Variants in PTCD3 observed in about 807,000 individuals in gnomAD.
PTCD3 encodes the protein small ribosomal subunit protein mS39.
Under a neutral mutation model 101.9 loss-of-function variants are expected in PTCD3, and 89 were observed. That is an observed-to-expected ratio of 0.87 (90% CI 0.74 to 1.04). PTCD3 has a LOEUF of 1.04. Among genes scored for constraint, PTCD3 ranks in the 50% least tolerant of loss-of-function variants. The pLI, the probability that PTCD3 is intolerant of heterozygous loss-of-function variation, is 0.00. For synonymous variants in PTCD3, 296 were observed against 278.5 expected, an observed-to-expected ratio of 1.06 and a Z score of -0.63; for missense variants, 870 against 828.2, an observed-to-expected ratio of 1.05 and a Z score of -0.62.
At chr2:86,134,267 C>G (rs1275021872) in intron 19 of PTCD3, 25 bp from the exon 20 acceptor site, 1 of 1,521,658 alleles carries the variant, frequency 6.6e-7, no homozygotes, top group Non-Finnish European at 9.1e-7. Flanking sequence ...ACAATGATCA[C>G]TCCTTGTTCC....
At chr2:86,124,310 T>A (rs1160217575) in intron 9 of PTCD3, among the ~76,000 whole-genome samples, 3 of 152,120 alleles carry the variant, frequency 2.0e-5, no homozygotes, top group Non-Finnish European at 4.4e-5. Context: ...AGTGATGAAT[T>A]TGATAGGATG....
intron 7 of PTCD3, among the ~76,000 whole-genome samples, chr2:86,121,238 G>A (rs1432858116): frequency 6.6e-6 from 1 of 152,148 alleles, no homozygotes; most frequent in Non-Finnish European, 1.5e-5. Flanking sequence ...GTGAGCACAG[G>A]CCCAAACTTC....
At chr2:86,122,009 G>A (rs1674292756) in intron 8 of PTCD3, among the ~76,000 whole-genome samples, 1 of 152,186 alleles carries the variant, frequency 6.6e-6, no homozygotes, top group Admixed American at 6.5e-5. Flanking sequence ...CCGCCTGTAA[G>A]TTGAGTCATA....
chr2:86,113,851 A>G (rs572026724), intron 4 of PTCD3, among the ~76,000 whole-genome samples: 1 of 152,246 alleles, frequency 6.6e-6, no homozygotes, highest in East Asian at 1.9e-4. Flanking sequence ...GAGCTACTAA[A>G]GATAGTGTTG....
intron 3 of PTCD3, among the ~76,000 whole-genome samples, chr2:86,110,657 T>A (rs780451422): frequency 3.9e-5 from 6 of 152,006 alleles, no homozygotes; most frequent in Non-Finnish European, 8.8e-5. Context: ...TCAGTAAGAG[T>A]GTGTGTGACA....
chr2:86,114,808 A>G (rs1223236627), intron 4 of PTCD3, among the ~76,000 whole-genome samples: 1 of 152,204 alleles, frequency 6.6e-6, no homozygotes, highest in African/African-American at 2.4e-5. Context: ...GATACAAAGC[A>G]AAGTCAGCAA....
chr2:86,123,896 A>C, intron 9 of PTCD3, 134 bp downstream of exon 9: 1 of 583,392 alleles, frequency 1.7e-6, no homozygotes, highest in African/African-American at 1.9e-5. Context: ...AAATTTCACT[A>C]TTTGTATTCA....
intron 10 of PTCD3, 31 bp downstream of exon 10, chr2:86,125,113 A>G (rs1468548586): frequency 2.5e-6 from 4 of 1,610,352 alleles, no homozygotes; most frequent in Non-Finnish European, 2.5e-6. Flanking sequence ...TTTGTCTTTC[A>G]TTTCCACCGA....
At chr2:86,127,364 G>T in intron 13 of PTCD3, 59 bp downstream of exon 13, 1 of 1,518,814 alleles carries the variant, frequency 6.6e-7, no homozygotes. Flanking sequence ...GAGGTTTCAG[G>T]GCTACATAAG....
At position 86,133,064 on chromosome 2, in the gene PTCD3, G is replaced by GT. The variant is rs1417457774; in HGVS notation, c.1374-113dup. 1.6e-5 allele frequency: 23 copies of GT among 1,447,396 alleles called. No individual in the cohort carries two copies. The South Asian group carries it at 1.8e-4, about 11-fold the overall frequency. 89.7% of individuals were successfully genotyped at this position (1,447,396 alleles called of 1,614,324 possible). ...ATATTGGCTCGTTTAACTTGAAACT[G>GT]TAAGTATTTTGAAATTCTTTGTAAC... On this transcript the variant is annotated intron_variant, in intron 17 of 23. Coordinates refer to ENST00000254630, the MANE Select transcript of PTCD3 (RefSeq NM_017952.6).
chr2:86,125,168 A>G (rs537422759), intron 10 of PTCD3, 86 bp downstream of exon 10: 12 of 1,547,886 alleles, frequency 7.8e-6, no homozygotes, highest in South Asian at 1.2e-5. Context: ...TGGGTCAGGT[A>G]ATTTGTTGTG....
At chr2:86,112,567 A>C (rs967331213) in intron 4 of PTCD3, among the ~76,000 whole-genome samples, 33 of 150,744 alleles carry the variant, frequency 2.2e-4, no homozygotes, top group East Asian at 2.0e-3. Flanking sequence ...CTGTAGTCCT[A>C]CCTATTCAGG....
rs200807149 is a variant in PTCD3 at position 86,132,417 on chromosome 2, T to C, written c.1366T>C (p.Phe456Leu). ...KFIGPDQHRN[F>L]YYSKFFDLIC... ...CATTGGACCTGATCAACATCGTAATTTCTATTAGTAAGTGTGTTGGAAACA... is the reference window on the plus strand; with the variant it reads ...CATTGGACCTGATCAACATCGTAATCTCTATTAGTAAGTGTGTTGGAAACA... Residue 456 changes from phenylalanine to leucine, a missense_variant, in exon 17 of 24, where the codon TTC becomes CTC. Transcript: ENST00000254630. 1.2e-4 allele frequency: 182 copies of C among 1,580,066 alleles called. No individual in the cohort carries two copies. Among genetic ancestry groups the C allele is most frequent in the Non-Finnish European group, 1.4e-4 (163 of 1,149,782 alleles).
rs556946922 is a variant in PTCD3 at position 86,138,491 on chromosome 2, A to G, written c.*932A>G. 6.6e-6 allele frequency: 1 copy of G among 152,354 alleles called. No homozygotes were observed. The highest frequency in any genetic ancestry group is 6.5e-5 in the Admixed American group (1 of 15,306). The allele number at this position is 152,354 out of a possible 1,614,324, so 9.4% of individuals were successfully genotyped here. A position where few individuals can be genotyped will look rare whatever the true frequency, so the allele number is the denominator to read the frequency against. ...CTTAGGTACCCCACGAGTTGTCCAC[A>G]TAAGCAGCTTCATCTTTACCTTGCC... On this transcript the variant is annotated 3_prime_UTR_variant, in exon 24 of 24. Coordinates refer to ENST00000254630, the MANE Select transcript of PTCD3 (RefSeq NM_017952.6).
chr2:86,118,119 CT>C (rs1196703788), intron 6 of PTCD3, among the ~76,000 whole-genome samples: 1 of 152,092 alleles, frequency 6.6e-6, no homozygotes, highest in African/African-American at 2.4e-5. Flanking sequence ...GATTTTTATG[CT>C]CATTTTCTCT....
Position 86,116,284 on chromosome 2 carries a change from C to G in PTCD3, c.241-246C>G, listed in dbSNP as rs145495832. 6.4e-3 allele frequency among the ~76,000 whole-genome samples: 980 copies of G among 152,278 alleles called. 10 individuals carry two copies. The highest frequency in any genetic ancestry group is 0.034 in the Admixed American group (522 of 15,288). ...GATACAGTGGCTCACGTCTATAATC[C>G]TAGCCCTTTGTAAGGCAGAAGTGAG... On this transcript the variant is annotated intron_variant, in intron 4 of 23. Transcript: ENST00000254630.
chr2:86,117,886 C>G (rs536175688), intron 6 of PTCD3, among the ~76,000 whole-genome samples: 19 of 152,254 alleles, frequency 1.2e-4, no homozygotes, highest in South Asian at 1.0e-3. Context: ...AAGCAATTCT[C>G]CTGCCTCAGC....
chr2:86,108,433 T>G (rs779382668), intron 2 of PTCD3, 31 bp downstream of exon 2: 2 of 1,594,238 alleles, frequency 1.3e-6, no homozygotes, highest in Non-Finnish European at 1.7e-6. Context: ...AATTCTATTT[T>G]TATATCAACA....
At position 86,125,511 on chromosome 2, in the gene PTCD3, C is replaced by T. The variant is rs1358204104; in HGVS notation, c.861C>T (p.Leu287=). 2 of 1,609,272 alleles carry T rather than the reference C, an allele frequency of 1.2e-6. No homozygotes were observed. The highest frequency in any genetic ancestry group is 1.7e-5 in the Admixed American group (1 of 60,022). The part of the protein sequence containing the change: ...NLYTELLNNR[L]HADVYTFNAL... ...ACACTGAGTTACTAAACAACAGACT[C>T]CATGGTGAGTTTGAGAACTCCCCTC... Residue 287 remains leucine, a synonymous_variant, in exon 11 of 24, where the codon CTC becomes CTT. Transcript: ENST00000254630.
Sources: allele counts gnomAD v4.1 joint callset (sites outside exome capture counted in the v4.1 genomes callset), GRCh38; gene constraint gnomAD v4.1.1; transcripts MANE v1.5; gene names NCBI Gene and HGNC (gene_info 2026-07-23, HGNC 2026-07-21).